MAP3K5: variants seen among roughly 807,000 people sequenced by gnomAD.
MAP3K5 encodes the protein ASK-1.
MAP3K5 carries 56 observed loss-of-function variants against 158.7 expected under a neutral mutation model. The ratio of observed to expected loss-of-function variants is 0.35; its 90% CI spans 0.28 to 0.44. The LOEUF is 0.44. MAP3K5 is among the 20% of genes least tolerant of loss of function. The pLI, the probability that MAP3K5 is intolerant of heterozygous loss-of-function variation, is 1.00. For missense variants in MAP3K5, 1,294 were observed against 1,674.8 expected (o/e 0.77, Z 3.97); for synonymous variants, 579 against 601.7 (o/e 0.96, Z 0.55).
intron 7 of MAP3K5, among the ~76,000 whole-genome samples, chr6:136,675,490 T>C (rs1779665795): frequency 3.3e-5 from 5 of 152,142 alleles, no homozygotes; most frequent in South Asian, 2.1e-4. Flanking sequence ...TAAAGAAAGA[T>C]ATATTTGGAA....
intron 7 of MAP3K5, among the ~76,000 whole-genome samples, chr6:136,686,135 G>A (rs1274156605): frequency 1.3e-5 from 2 of 152,148 alleles, no homozygotes; most frequent in Admixed American, 6.5e-5. Context: ...GGCAGGTTAT[G>A]GATAGGTCCT....
chr6:136,738,873 C>A (rs1164596543), intron 1 of MAP3K5, among the ~76,000 whole-genome samples: 2 of 151,970 alleles, frequency 1.3e-5, no homozygotes, highest in Non-Finnish European at 2.9e-5. Context: ...GAAATCCCTA[C>A]TAAGTGCCAA....
At chr6:136,693,766 G>C (rs551595336) in intron 7 of MAP3K5, among the ~76,000 whole-genome samples, 2 of 152,248 alleles carry the variant, frequency 1.3e-5, no homozygotes, top group Non-Finnish European at 2.9e-5. Flanking sequence ...GAGGCAGTTG[G>C]ATCACCTGAG....
intron 1 of MAP3K5, among the ~76,000 whole-genome samples, chr6:136,759,784 G>A (rs1019927429): frequency 2.0e-5 from 2 of 99,284 alleles, no homozygotes; most frequent in African/African-American, 8.3e-5. Flanking sequence ...TTTTTTTTTG[G>A]AGCAACATGG....
rs767671589 is a variant in MAP3K5 at position 136,580,286 on chromosome 6, T to C, written c.3517+15A>G. ...CAAGCACTAAATATGTGCAGAGTAATTAAATATCTCTGACCTGGAACCAGG... is the reference window on the plus strand; with the variant it reads ...CAAGCACTAAATATGTGCAGAGTAACTAAATATCTCTGACCTGGAACCAGG... On this transcript the variant is annotated intron_variant, in intron 25 of 29. Transcript: ENST00000359015. The C allele has an allele frequency of 3.3e-6, 5 of 1,537,584 alleles. No individual in the cohort carries two copies. In the South Asian group the frequency reaches 5.6e-5, roughly 17 times the overall value.
chr6:136,568,857 CAAAAA>C lies in MAP3K5; in HGVS notation c.3518-988_3518-984del, dbSNP rs60185973. Among the ~76,000 whole-genome samples the C allele has an allele frequency of 6.5e-5, 3 of 45,934 alleles. No individual in the cohort carries two copies. The South Asian group carries it at 2.5e-3, about 39-fold the overall frequency. The allele number at this position is 45,934 out of a possible 152,430, so 30.1% of individuals were successfully genotyped here. The stretch of plus-strand genomic sequence containing the variant: ...TGGGCAACAGAGCAAGAGTCTGTCT[CAAAAA>C]AAAAAAAAAAAAAAAAAAACTTGGA... On this transcript the variant is annotated intron_variant, in intron 25 of 29. Transcript: ENST00000359015.
intron 2 of MAP3K5, among the ~76,000 whole-genome samples, chr6:136,712,793 C>T (rs985473076): frequency 7.2e-5 from 11 of 152,122 alleles, no homozygotes; most frequent in East Asian, 5.8e-4. Flanking sequence ...ATACTGTTCT[C>T]GTGGTAGTGA....
At chr6:136,659,530 T>C (rs1778912952) in intron 8 of MAP3K5, 152 bp from the exon 9 acceptor site, 4 of 690,382 alleles carry the variant, frequency 5.8e-6, no homozygotes, top group Admixed American at 2.8e-5. Flanking sequence ...TTCAGTTCAC[T>C]GTAAAAATAA....
intron 14 of MAP3K5, among the ~76,000 whole-genome samples, chr6:136,626,814 T>TTGAC (rs34181731): frequency 0.094 from 14,278 of 152,120 alleles, 1,691 homozygotes; most frequent in African/African-American, 0.26. Flanking sequence ...CCCACCTCAC[T>TTGAC]TATCATCATA....
intron 15 of MAP3K5, among the ~76,000 whole-genome samples, chr6:136,615,421 T>C (rs1776519220): frequency 6.6e-6 from 1 of 152,216 alleles, no homozygotes; most frequent in Non-Finnish European, 1.5e-5. Flanking sequence ...TGGGTGCCTT[T>C]TGATCAGTCC....
chr6:136,654,550 G>A (rs1373578212), intron 10 of MAP3K5, among the ~76,000 whole-genome samples: 3 of 152,036 alleles, frequency 2.0e-5, no homozygotes, highest in East Asian at 1.9e-4. Context: ...AGGTTCAAGC[G>A]ATTCTCCTGT....
chr6:136,726,844 G>A (rs2114807104), intron 1 of MAP3K5, among the ~76,000 whole-genome samples: 1 of 152,148 alleles, frequency 6.6e-6, no homozygotes, highest in South Asian at 2.1e-4. Flanking sequence ...ACTGAACTCA[G>A]TTATAACTTC....
chr6:136,664,375 T>G (rs1482517721), intron 8 of MAP3K5, among the ~76,000 whole-genome samples: 1 of 152,110 alleles, frequency 6.6e-6, no homozygotes, highest in Non-Finnish European at 1.5e-5. Context: ...TATTTCATTA[T>G]ATATTACAAT....
At chr6:136,559,262 G>A (rs1157921148) in intron 28 of MAP3K5, among the ~76,000 whole-genome samples, 1 of 152,350 alleles carries the variant, frequency 6.6e-6, no homozygotes, top group Admixed American at 6.5e-5. Context: ...TGAGGCAGGA[G>A]AATCGCTTGA....
intron 1 of MAP3K5, among the ~76,000 whole-genome samples, chr6:136,761,112 C>T (rs918466635): frequency 2.6e-5 from 4 of 152,082 alleles, no homozygotes; most frequent in Admixed American, 6.6e-5. Context: ...CTGCTGGTGC[C>T]TTGATCATGC....
At chr6:136,627,947 T>C (rs1032573242) in intron 14 of MAP3K5, among the ~76,000 whole-genome samples, 2 of 152,202 alleles carry the variant, frequency 1.3e-5, no homozygotes, top group Non-Finnish European at 2.9e-5. Context: ...AGTTTTAGCA[T>C]GTAGCTTGTA....
intron 8 of MAP3K5, among the ~76,000 whole-genome samples, chr6:136,660,338 A>G (rs1034525702): frequency 2.0e-5 from 3 of 152,016 alleles, no homozygotes; most frequent in African/African-American, 7.3e-5. Flanking sequence ...GATTGCTTGA[A>G]CTCAGAAGTA....
intron 7 of MAP3K5, among the ~76,000 whole-genome samples, chr6:136,684,899 G>C (rs2114612693): frequency 6.6e-6 from 1 of 152,306 alleles, no homozygotes; most frequent in African/African-American, 2.4e-5. Flanking sequence ...TCAAATGTTA[G>C]AGAACTATGT....
intron 9 of MAP3K5, among the ~76,000 whole-genome samples, chr6:136,658,313 C>CTTTCTTTTT (rs1385942479): frequency 1.1e-5 from 1 of 90,486 alleles, no homozygotes; most frequent in African/African-American, 4.3e-5. Context: ...TTCTTTCTTT[C>CTTTCTTTTT]TTTTTTTTTT....
Sources: allele counts gnomAD v4.1 joint callset (sites outside exome capture counted in the v4.1 genomes callset), GRCh38; gene constraint gnomAD v4.1.1; transcripts MANE v1.5; gene names NCBI Gene and HGNC (gene_info 2026-07-23, HGNC 2026-07-21).